The following USH2A variants were observed in gnomAD, a reference collection of about 807,000 sequenced individuals.
The protein encoded by USH2A is usherin, also known as Usher syndrome 2A (autosomal recessive, mild).
A neutral mutation model predicts 538.9 loss-of-function variants in USH2A; 443 were observed. That is an observed-to-expected ratio of 0.82 (90% confidence interval 0.76 to 0.89). The LOEUF (loss-of-function observed/expected upper bound fraction) is 0.89, where lower values mean the gene tolerates loss of function less well. Among genes scored for constraint, USH2A ranks in the 40% least tolerant of loss-of-function variants. USH2A has a pLI of 0.00. For synonymous variants in USH2A, 2,413 were observed against 2,273.5 expected (o/e 1.06, Z -1.75); for missense variants, 6,633 against 6,324.8 (o/e 1.05, Z -1.65).
intron 3 of USH2A, among the ~76,000 whole-genome samples, chr1:216,389,299 T>C (rs1052014901): frequency 5.9e-5 from 9 of 152,168 alleles, no homozygotes; most frequent in African/African-American, 1.9e-4. Flanking sequence ...AAAAATCTCC[T>C]TGTGTTTTAA....
intron 61 of USH2A, among the ~76,000 whole-genome samples, chr1:215,684,439 T>C (rs1025316062): frequency 1.4e-4 from 21 of 152,336 alleles, no homozygotes; most frequent in African/African-American, 4.3e-4. Context: ...GGATACTCCC[T>C]GCACAAATGT....
intron 41 of USH2A, among the ~76,000 whole-genome samples, chr1:215,886,914 G>C (rs1665072012): frequency 1.3e-5 from 2 of 151,996 alleles, no homozygotes; most frequent in South Asian, 2.1e-4. Flanking sequence ...CTGGAGTGCA[G>C]TGGCATAATC....
chr1:216,267,255 G>A (rs773206619), intron 11 of USH2A, among the ~76,000 whole-genome samples: 21 of 152,082 alleles, frequency 1.4e-4, no homozygotes, highest in Non-Finnish European at 2.4e-4. Context: ...ATACAATGAA[G>A]ACAGAATTTA....
chr1:215,675,978 T>C (rs1023715773), intron 62 of USH2A, among the ~76,000 whole-genome samples: 1 of 152,160 alleles, frequency 6.6e-6, no homozygotes, highest in Non-Finnish European at 1.5e-5. Flanking sequence ...TCCTGTTTTA[T>C]GGATATGAAC....
At chr1:216,125,592 A>G (rs2033236435) in intron 21 of USH2A, among the ~76,000 whole-genome samples, 1 of 152,192 alleles carries the variant, frequency 6.6e-6, no homozygotes, top group South Asian at 2.1e-4. Flanking sequence ...ATTTTCCATC[A>G]TATTTCAAAT....
chr1:216,217,280 T>C (rs893084872), intron 15 of USH2A, 107 bp downstream of exon 15: 9 of 1,424,018 alleles, frequency 6.3e-6, no homozygotes, highest in South Asian at 1.2e-5. Context: ...TTCTTCACAT[T>C]GTACTAAGCC....
chr1:216,010,376 G>C (rs975454760), intron 32 of USH2A, among the ~76,000 whole-genome samples: 2 of 152,184 alleles, frequency 1.3e-5, no homozygotes, highest in South Asian at 4.1e-4. Context: ...ACTGGAAATC[G>C]GACTGTTCAG....
At position 216,246,722 on chromosome 1, in the gene USH2A, A is replaced by C. The variant is rs555799948; in HGVS notation, c.2672T>G (p.Ile891Ser). 6.2e-7 allele frequency: 1 copy of C among 1,614,150 alleles called. No individual in the cohort carries two copies. The highest frequency in any genetic ancestry group is 8.5e-7 in the Non-Finnish European group (1 of 1,179,982). Residue 891 changes from isoleucine (I) to serine (S), a missense_variant, in exon 13 of 72, where the codon ATT becomes AGT. Coordinates refer to ENST00000307340, the MANE Select transcript of USH2A (RefSeq NM_206933.4). ...CATCTGGCAGTGTTGAAAATTGTCA[A>C]TGGTCAAATTGTACCTGTGAGGCTC... ...QCEPHRYNLT[I>S]DNFQHCQMCE...
chr1:215,973,154 C>A (rs1667535453), intron 35 of USH2A, among the ~76,000 whole-genome samples: 1 of 151,956 alleles, frequency 6.6e-6, no homozygotes, highest in African/African-American at 2.4e-5. Context: ...ACCTATTTGA[C>A]CTGCTTTTTA....
intron 11 of USH2A, among the ~76,000 whole-genome samples, chr1:216,286,250 C>T (rs1185572714): frequency 2.6e-5 from 4 of 152,136 alleles, no homozygotes; most frequent in African/African-American, 7.2e-5. Flanking sequence ...CAGTTTCCCC[C>T]ATTCTGTTCT....
At chr1:216,080,886 G>A (rs2031921015) in intron 26 of USH2A, among the ~76,000 whole-genome samples, 1 of 151,696 alleles carries the variant, frequency 6.6e-6, no homozygotes, top group Admixed American at 6.6e-5. Context: ...ACTGAAAGTT[G>A]AATATGCATG....
chr1:215,915,553 A>G (rs543971457), intron 38 of USH2A, among the ~76,000 whole-genome samples: 4 of 152,048 alleles, frequency 2.6e-5, no homozygotes, highest in Non-Finnish European at 4.4e-5. Flanking sequence ...ACTTGTCAAG[A>G]CACCCTTGGC....
intron 3 of USH2A, among the ~76,000 whole-genome samples, chr1:216,369,780 G>A (rs1450916872): frequency 6.6e-6 from 1 of 151,546 alleles, no homozygotes; most frequent in Non-Finnish European, 1.5e-5. Context: ...AAAATTAGCT[G>A]GGTGTGGTGG....
At chr1:216,171,591 T>C (rs2034277863) in intron 21 of USH2A, among the ~76,000 whole-genome samples, 1 of 152,074 alleles carries the variant, frequency 6.6e-6, no homozygotes, top group African/African-American at 2.4e-5. Context: ...TAAATATTTA[T>C]TAAATGAATA....
chr1:216,255,301 C>A (rs1375621793), intron 11 of USH2A, among the ~76,000 whole-genome samples: 1 of 152,118 alleles, frequency 6.6e-6, no homozygotes, highest in Admixed American at 6.5e-5. Context: ...CCTTCTTTTG[C>A]TAGTTTTGTA....
intron 21 of USH2A, among the ~76,000 whole-genome samples, chr1:216,114,334 TTC>T (rs1427152256): frequency 1.3e-5 from 2 of 152,130 alleles, no homozygotes; most frequent in Non-Finnish European, 2.9e-5. Flanking sequence ...ACAGCCATAA[TTC>T]TTTTTTCTGT....
chr1:216,269,424 A>C (rs2036535072), intron 11 of USH2A, among the ~76,000 whole-genome samples: 1 of 152,172 alleles, frequency 6.6e-6, no homozygotes, highest in South Asian at 2.1e-4. Flanking sequence ...GTCCTGTATA[A>C]ATTTTTCCTG....
In USH2A at chr1:215,812,839, G is replaced by T. The variant is rs141134678; in HGVS notation, c.9739+897C>A. On this transcript the variant is annotated intron_variant, in intron 49 of 71. Transcript: ENST00000307340. Reference sequence around the variant, plus strand: ...CCTTTTAAAAAAATTGTCAAAAGAGGTTGATGCTTTTTGGTTAAAGAGGCA... The same window carrying T: ...CCTTTTAAAAAAATTGTCAAAAGAGTTTGATGCTTTTTGGTTAAAGAGGCA... Among the ~76,000 whole-genome samples, 583 of 152,286 alleles carry T rather than the reference G, an allele frequency of 3.8e-3. 5 individuals are homozygous for T. The highest frequency in any genetic ancestry group is 0.013 in the African/African-American group (530 of 41,554).
intron 20 of USH2A, among the ~76,000 whole-genome samples, chr1:216,179,620 G>C (rs2034454749): frequency 6.6e-6 from 1 of 152,078 alleles, no homozygotes; most frequent in Non-Finnish European, 1.5e-5. Context: ...ATTCTTTTCA[G>C]AGTTCTTCTA....
Sources: allele counts gnomAD v4.1 joint callset (sites outside exome capture counted in the v4.1 genomes callset), GRCh38; gene constraint gnomAD v4.1.1; transcripts MANE v1.5; gene names NCBI Gene and HGNC (gene_info 2026-07-23, HGNC 2026-07-21).